PRKAG2: variants seen among roughly 807,000 people sequenced by gnomAD.
PRKAG2 encodes the protein 5'-AMP-activated protein kinase subunit gamma-2.
Under a neutral mutation model 69.6 loss-of-function variants are expected in PRKAG2, and 26 were observed. The observed-to-expected ratio is 0.37, with a 90% CI of 0.27 to 0.52. PRKAG2 has a LOEUF of 0.52. Ranked by LOEUF, PRKAG2 falls within the 20% of genes least tolerant of loss-of-function variation. PRKAG2 has a pLI of 0.90. For missense variants in PRKAG2, 557 were observed against 740.0 expected (o/e 0.75, Z 2.87); for synonymous variants, 293 against 285.0 (o/e 1.03, Z -0.28).
Position 151,781,113 on chromosome 7 carries a change from C to T in PRKAG2, c.466+39G>A. 1 of 1,612,372 alleles carries T rather than the reference C, an allele frequency of 6.2e-7. No individual in the cohort carries two copies. The highest frequency in any genetic ancestry group is 8.5e-7 in the Non-Finnish European group (1 of 1,179,746). On this transcript the variant is annotated intron_variant, in intron 3 of 15. Coordinates refer to ENST00000287878, the MANE Select transcript of PRKAG2 (RefSeq NM_016203.4). The surrounding 1 kb of genome is among the most constrained non-coding windows in gnomAD (Gnocchi z 6.1). ...GTGGCTGCAGAAGAGACCCCCAGCA[C>T]CCCAGCACCCACCTGAAACAATAGC...
At chr7:151,821,137 C>G (rs2078769622) in intron 1 of PRKAG2, among the ~76,000 whole-genome samples, 1 of 77,126 alleles carries the variant, frequency 1.3e-5, no homozygotes, top group Non-Finnish European at 3.0e-5. Context: ...TAGAAGTTTC[C>G]AGAAGGAAGG....
At chr7:151,560,768 T>G in intron 14 of PRKAG2, 151 bp from the exon 15 acceptor site, 1 of 1,103,006 alleles carries the variant, frequency 9.1e-7, no homozygotes. Flanking sequence ...ACAAAAACAT[T>G]AGACAGTGGC....
chr7:151,866,329 CT>C (rs2080078261), intron 1 of PRKAG2, among the ~76,000 whole-genome samples: 1 of 152,224 alleles, frequency 6.6e-6, no homozygotes. Context: ...ACAACAGAGA[CT>C]TTTCTCAGCA....
intron 1 of PRKAG2, among the ~76,000 whole-genome samples, chr7:151,851,114 G>A (rs937985450): frequency 3.3e-5 from 5 of 152,122 alleles, no homozygotes; most frequent in Non-Finnish European, 5.9e-5. Flanking sequence ...TAATGGCCTG[G>A]TAGGGAAATA....
At chr7:151,718,625 A>C (rs1180178118) in intron 3 of PRKAG2, among the ~76,000 whole-genome samples, 10 of 145,820 alleles carry the variant, frequency 6.9e-5, no homozygotes, top group African/African-American at 1.4e-4. Context: ...AAAAAAAAAA[A>C]AAAACCCAAA....
chr7:151,727,393 C>A lies in PRKAG2; in HGVS notation c.467-51756G>T, dbSNP rs906079011. Among the ~76,000 whole-genome samples, 4 of 152,032 alleles carry A rather than the reference C, an allele frequency of 2.6e-5. No homozygotes were observed. The East Asian group carries it at 5.8e-4, about 22-fold the overall frequency. Reference sequence around the variant, plus strand: ...CATCCAGCCATCGAGGTGGGGAGGACCCCAGGTGAGCCACCAGCAGCCACG... The same window carrying A: ...CATCCAGCCATCGAGGTGGGGAGGAACCCAGGTGAGCCACCAGCAGCCACG... On this transcript the variant is annotated intron_variant, in intron 3 of 15. Coordinates refer to ENST00000287878, the MANE Select transcript of PRKAG2 (RefSeq NM_016203.4).
rs781760634 is a variant in PRKAG2 at position 151,576,441 on chromosome 7, G to A, written c.876C>T (p.Ala292=). The part of the protein sequence containing the change: ...VFDTTLQVKK[A]FFALVANGVR... ...CACCGTTGGCTACCAAAGCAAAGAA[G>A]GCCTTTTTAACCTGAAGAAAAAGAG... The change falls in exon 7 of 16, where the codon GCC becomes GCT. Residue 292 remains alanine (A), a synonymous_variant. Transcript: ENST00000287878. The A allele has an allele frequency of 1.2e-6, 2 of 1,603,938 alleles. No homozygotes were observed. The highest frequency in any genetic ancestry group is 1.7e-6 in the Non-Finnish European group (2 of 1,171,016).
In PRKAG2 at chr7:151,694,705, G is replaced by A. The variant is rs140683850; in HGVS notation, c.467-19068C>T. ...GGGCTTTCTCTCACAATTCCCTCCC[G>A]GCTTTGCCATCGCTTTGCTATTGCT... On this transcript the variant is annotated intron_variant, in intron 3 of 15. Transcript: ENST00000287878. 2.7e-4 allele frequency among the ~76,000 whole-genome samples: 41 copies of A among 152,308 alleles called. 1 individual carries two copies. The highest frequency in any genetic ancestry group is 2.5e-4 in the Non-Finnish European group (17 of 68,036).
At position 151,814,803 on chromosome 7, in the gene PRKAG2, T is replaced by C. The variant is rs2078592336; in HGVS notation, c.115-28262A>G. 8.1e-7 allele frequency: 1 copy of C among 1,231,802 alleles called. No individual in the cohort carries two copies. The highest frequency in any genetic ancestry group is 3.1e-4 in the Middle Eastern group (1 of 3,208). The allele number at this position is 1,231,802 out of a possible 1,614,324, so 76.3% of individuals were successfully genotyped here. On this transcript the variant is annotated intron_variant, in intron 1 of 15. Coordinates refer to ENST00000287878, the MANE Select transcript of PRKAG2 (RefSeq NM_016203.4). This position sits in a 1 kb window ranked among gnomAD's most constrained non-coding sequence, Gnocchi z 4.8. Reference sequence around the variant, plus strand: ...AAAATGCAGGCAGAGCTCGGGCAGATTCCCCCATTGACGGGACTGCAGCAA... The same window carrying C: ...AAAATGCAGGCAGAGCTCGGGCAGACTCCCCCATTGACGGGACTGCAGCAA...
chr7:151,688,043 C>CCCCCA (rs1554539805), intron 3 of PRKAG2, among the ~76,000 whole-genome samples: 3 of 56,594 alleles, frequency 5.3e-5, no homozygotes, highest in Admixed American at 1.5e-4. Context: ...GGAAATGAGG[C>CCCCCA]CCCCCCCCGG....
At chr7:151,745,795 A>G (rs912909766) in intron 3 of PRKAG2, among the ~76,000 whole-genome samples, 6 of 152,208 alleles carry the variant, frequency 3.9e-5, no homozygotes, top group Admixed American at 3.9e-4. Context: ...TCTCCTTAAA[A>G]TCTGGAAGGG....
chr7:151,688,293 G>T (rs1299704043), intron 3 of PRKAG2, among the ~76,000 whole-genome samples: 1 of 152,178 alleles, frequency 6.6e-6, no homozygotes, highest in Non-Finnish European at 1.5e-5. Flanking sequence ...CTTAGGTCAG[G>T]ACTAGAGTTC....
chr7:151,636,375 C>T (rs1028259290), intron 4 of PRKAG2, among the ~76,000 whole-genome samples: 3 of 152,130 alleles, frequency 2.0e-5, no homozygotes, highest in African/African-American at 7.2e-5. Context: ...ATGGATTTGC[C>T]GATGCTGGGT....
intron 5 of PRKAG2, among the ~76,000 whole-genome samples, chr7:151,621,953 A>T (rs1394331524): frequency 1.3e-5 from 2 of 152,240 alleles, no homozygotes; most frequent in Middle Eastern, 3.4e-3. Context: ...AAAGCTTTGC[A>T]TTTTCTCCCA....
chr7:151,634,213 A>C (rs1825349786), intron 4 of PRKAG2, among the ~76,000 whole-genome samples: 1 of 152,240 alleles, frequency 6.6e-6, no homozygotes, highest in Non-Finnish European at 1.5e-5. Context: ...CCATGCAAAC[A>C]TGGCAAACCA....
intron 1 of PRKAG2, among the ~76,000 whole-genome samples, chr7:151,804,093 A>T (rs900058600): frequency 3.3e-5 from 5 of 152,142 alleles, no homozygotes; most frequent in African/African-American, 1.2e-4. Context: ...TGCAAATGCA[A>T]ATATGAAGGC....
chr7:151,822,965 G>C (rs892609110), intron 1 of PRKAG2, among the ~76,000 whole-genome samples: 1 of 152,146 alleles, frequency 6.6e-6, no homozygotes, highest in Admixed American at 6.5e-5. Context: ...CGCCAAGCCC[G>C]GCTCTATCAC....
chr7:151,749,278 C>T (rs2074506635), intron 3 of PRKAG2, among the ~76,000 whole-genome samples: 1 of 152,158 alleles, frequency 6.6e-6, no homozygotes, highest in Non-Finnish European at 1.5e-5. Context: ...AAGCAGACAC[C>T]TGGAGGGGCA....
chr7:151,669,028 G>A (rs1364420273), intron 4 of PRKAG2, among the ~76,000 whole-genome samples: 1 of 152,202 alleles, frequency 6.6e-6, no homozygotes, highest in East Asian at 1.9e-4. Context: ...CAAGACAAAC[G>A]TCTCCATCGC....
Sources: allele counts gnomAD v4.1 joint callset (sites outside exome capture counted in the v4.1 genomes callset), GRCh38; gene constraint gnomAD v4.1.1; non-coding constraint Gnocchi (gnomAD v3.1); transcripts MANE v1.5; gene names NCBI Gene and HGNC (gene_info 2026-07-23, HGNC 2026-07-21).